KCNB2: variants seen among roughly 807,000 people sequenced by gnomAD.
The protein encoded by KCNB2 is delayed rectifier potassium channel protein.
In KCNB2, 15 loss-of-function variants were observed where a neutral mutation model predicts 61.5. The observed-to-expected ratio is 0.24, with a 90% CI of 0.16 to 0.38. The LOEUF (loss-of-function observed/expected upper bound fraction) is 0.38. Ranked by LOEUF, KCNB2 falls within the 10% of genes least tolerant of loss-of-function variation. The pLI, the probability that KCNB2 is intolerant of heterozygous loss-of-function variation, is 1.00. For synonymous variants in KCNB2, 457 were observed against 446.0 expected, an observed-to-expected ratio of 1.02 and a Z score of -0.31; for missense variants, 828 against 1,125.2, an observed-to-expected ratio of 0.74 and a Z score of 3.78.
At chr8:72,929,029 T>C (rs568439528) in intron 2 of KCNB2, among the ~76,000 whole-genome samples, 1 of 152,300 alleles carries the variant, frequency 6.6e-6, no homozygotes, top group African/African-American at 2.4e-5. Flanking sequence ...CATTCTGCAC[T>C]TGGCAGGATG....
At position 72,547,809 on chromosome 8, in the gene KCNB2, A is replaced by G. The variant is rs138587713; in HGVS notation, c.-94+9924A>G. ...ATTACACCAACTTAGTTGATAAAACAGAAACAAGATTTGAGATGATTGACT... is the reference window on the plus strand; with the variant it reads ...ATTACACCAACTTAGTTGATAAAACGGAAACAAGATTTGAGATGATTGACT... On this transcript the variant is annotated intron_variant, in intron 1 of 2. Coordinates refer to ENST00000523207, the MANE Select transcript of KCNB2 (RefSeq NM_004770.3). Among the ~76,000 whole-genome samples the G allele has an allele frequency of 3.9e-4, 59 of 152,380 alleles. No individual in the cohort carries two copies. The East Asian group carries it at 0.011, about 28-fold the overall frequency.
intron 2 of KCNB2, among the ~76,000 whole-genome samples, chr8:72,921,006 A>G (rs544299370): frequency 1.3e-5 from 2 of 152,264 alleles, no homozygotes; most frequent in East Asian, 3.9e-4. Flanking sequence ...AAAGAGCGAG[A>G]GTTCTGTCCC....
chr8:72,692,668 TAA>T (rs1806957410), intron 2 of KCNB2, among the ~76,000 whole-genome samples: 1 of 152,082 alleles, frequency 6.6e-6, no homozygotes, highest in Non-Finnish European at 1.5e-5. Flanking sequence ...ACAGATTATA[TAA>T]GACAGCTTTT....
intron 2 of KCNB2, among the ~76,000 whole-genome samples, chr8:72,815,742 T>A (rs1020724922): frequency 1.3e-5 from 2 of 152,136 alleles, no homozygotes; most frequent in Non-Finnish European, 2.9e-5. Context: ...AAAGAAAAGT[T>A]TTGCATGCAG....
intron 2 of KCNB2, among the ~76,000 whole-genome samples, chr8:72,775,691 CAG>C (rs1254921842): frequency 6.7e-6 from 1 of 149,006 alleles, no homozygotes; most frequent in Non-Finnish European, 1.5e-5. Flanking sequence ...CTATTATAAA[CAG>C]GGGAGATTAA....
chr8:72,725,555 ATG>A (rs1554587047), intron 2 of KCNB2, among the ~76,000 whole-genome samples: 26 of 65,572 alleles, frequency 4.0e-4, no homozygotes, highest in African/African-American at 1.1e-3. Context: ...GTATATATAT[ATG>A]TATATATGTA....
intron 2 of KCNB2, among the ~76,000 whole-genome samples, chr8:72,635,909 CGTT>C (rs1805958581): frequency 6.6e-6 from 1 of 152,168 alleles, no homozygotes; most frequent in Non-Finnish European, 1.5e-5. Flanking sequence ...ACTACCTACT[CGTT>C]GTGTTACTGA....
chr8:72,754,869 C>A (rs1808261909), intron 2 of KCNB2, among the ~76,000 whole-genome samples: 1 of 152,190 alleles, frequency 6.6e-6, no homozygotes, highest in Admixed American at 6.5e-5. Context: ...AGCAGAACTA[C>A]CCACTCCTTG....
At chr8:72,773,383 A>C (rs962355871) in intron 2 of KCNB2, among the ~76,000 whole-genome samples, 4 of 151,842 alleles carry the variant, frequency 2.6e-5, no homozygotes, top group Admixed American at 2.6e-4. Flanking sequence ...GTCAATACTA[A>C]TAGATTGTCA....
intron 2 of KCNB2, among the ~76,000 whole-genome samples, chr8:72,634,786 TAAG>T (rs1805938768): frequency 6.6e-6 from 1 of 152,192 alleles, no homozygotes; most frequent in African/African-American, 2.4e-5. Context: ...AAGATTAGCA[TAAG>T]AAGATAATTT....
chr8:72,683,999 T>C (rs1286192477), intron 2 of KCNB2, among the ~76,000 whole-genome samples: 1 of 152,142 alleles, frequency 6.6e-6, no homozygotes, highest in Admixed American at 6.5e-5. Flanking sequence ...AAAATCACTT[T>C]AGAAAAATTA....
intron 2 of KCNB2, among the ~76,000 whole-genome samples, chr8:72,600,439 G>A (rs943262670): frequency 1.3e-5 from 2 of 151,968 alleles, no homozygotes; most frequent in Non-Finnish European, 2.9e-5. Flanking sequence ...ACTGGGGCCT[G>A]TTGTGGGGTG....
chr8:72,870,047 G>A (rs770123941), intron 2 of KCNB2, among the ~76,000 whole-genome samples: 13 of 152,270 alleles, frequency 8.5e-5, no homozygotes, highest in East Asian at 5.8e-4. Flanking sequence ...CAACCATATG[G>A]ATGAACCCGG....
At position 72,811,370 on chromosome 8, in the gene KCNB2, A is replaced by G. The variant is rs186441408; in HGVS notation, c.580-124565A>G. Among the ~76,000 whole-genome samples, 322 of 152,146 alleles carry G rather than the reference A, an allele frequency of 2.1e-3. 1 individual carries two copies. Among genetic ancestry groups the G allele is most frequent in the Middle Eastern group, 6.8e-3 (2 of 292 alleles). ...AGAATTGATAGCTTTCTGTTGCCACATATTTTGATCTAAAAATATGGGACA... is the reference window on the plus strand; with the variant it reads ...AGAATTGATAGCTTTCTGTTGCCACGTATTTTGATCTAAAAATATGGGACA... On this transcript the variant is annotated intron_variant, in intron 2 of 2. Coordinates refer to ENST00000523207, the MANE Select transcript of KCNB2 (RefSeq NM_004770.3).
intron 2 of KCNB2, among the ~76,000 whole-genome samples, chr8:72,847,542 T>C (rs906788096): frequency 6.6e-6 from 1 of 152,230 alleles, no homozygotes. Context: ...TATTCTTATG[T>C]CAAGACTGTA....
At chr8:72,645,708 T>G (rs1585804062) in intron 2 of KCNB2, among the ~76,000 whole-genome samples, 1 of 152,148 alleles carries the variant, frequency 6.6e-6, no homozygotes, top group African/African-American at 2.4e-5. Context: ...GTTCTGATGC[T>G]TTTTTCCAGT....
At chr8:72,832,585 T>A (rs60277317) in intron 2 of KCNB2, among the ~76,000 whole-genome samples, 4,966 of 152,302 alleles carry the variant, frequency 0.033, 276 homozygotes, top group African/African-American at 0.11. Context: ...CTACATTATT[T>A]GTAAGTGTCA....
chr8:72,590,599 C>T (rs1353742461), intron 2 of KCNB2, among the ~76,000 whole-genome samples: 1 of 152,152 alleles, frequency 6.6e-6, no homozygotes, highest in Admixed American at 6.5e-5. Flanking sequence ...AAGGTGACAC[C>T]TTAGGTTGAT....
intron 2 of KCNB2, among the ~76,000 whole-genome samples, chr8:72,728,695 A>G (rs187440876): frequency 3.7e-4 from 56 of 152,328 alleles, no homozygotes; most frequent in Non-Finnish European, 6.8e-4. Flanking sequence ...TTTTACCTGT[A>G]AAGCAAAGGG....
Sources: allele counts gnomAD v4.1 joint callset (sites outside exome capture counted in the v4.1 genomes callset), GRCh38; gene constraint gnomAD v4.1.1; transcripts MANE v1.5; gene names NCBI Gene and HGNC (gene_info 2026-07-23, HGNC 2026-07-21).